Variants in NPAS3 observed in about 807,000 individuals in gnomAD.
NPAS3 encodes neuronal PAS domain-containing protein 3.
NPAS3 carries 14 observed loss-of-function variants against 73.1 expected under a neutral mutation model. That is an observed-to-expected ratio of 0.19 (90% confidence interval 0.13 to 0.30). The LOEUF (loss-of-function observed/expected upper bound fraction) is 0.30, where lower values mean the gene tolerates loss of function less well. NPAS3 is among the 10% of genes least tolerant of loss of function. The pLI is 1.00. For synonymous variants in NPAS3, 620 were observed against 541.5 expected, an observed-to-expected ratio of 1.14 and a Z score of -2.01; for missense variants, 1,096 against 1,250.0, an observed-to-expected ratio of 0.88 and a Z score of 1.86.
chr14:33,638,420 T>A (rs768240538), intron 5 of NPAS3, among the ~76,000 whole-genome samples: 1 of 152,264 alleles, frequency 6.6e-6, no homozygotes, highest in South Asian at 2.1e-4. Flanking sequence ...TTCTACTTAC[T>A]ATCTACGTGA....
intron 3 of NPAS3, among the ~76,000 whole-genome samples, chr14:33,338,062 A>G (rs957009746): frequency 1.3e-5 from 2 of 151,966 alleles, no homozygotes; most frequent in African/African-American, 2.4e-5. Flanking sequence ...TATAGCTTCA[A>G]TGTCTTTTTC....
intron 5 of NPAS3, among the ~76,000 whole-genome samples, chr14:33,648,659 C>A (rs2058903566): frequency 6.6e-6 from 1 of 152,152 alleles, no homozygotes; most frequent in African/African-American, 2.4e-5. Flanking sequence ...TAGAGTTGAA[C>A]ACATCCCAGT....
At chr14:33,604,341 C>G (rs2057490276) in intron 5 of NPAS3, among the ~76,000 whole-genome samples, 1 of 151,786 alleles carries the variant, frequency 6.6e-6, no homozygotes, top group Admixed American at 6.6e-5. Context: ...ACTGTGTTAG[C>G]ACTAATAGAA....
chr14:33,455,846 A>AG (rs1491455726), intron 4 of NPAS3, among the ~76,000 whole-genome samples: 1 of 152,216 alleles, frequency 6.6e-6, no homozygotes, highest in Non-Finnish European at 1.5e-5. Context: ...TACAAAAGTT[A>AG]AAGAGACAGA....
At chr14:33,115,994 T>A (rs1473231072) in intron 2 of NPAS3, among the ~76,000 whole-genome samples, 1 of 152,174 alleles carries the variant, frequency 6.6e-6, no homozygotes, top group African/African-American at 2.4e-5. Flanking sequence ...AACAATCATG[T>A]TTCTGTATCC....
At chr14:33,746,195 A>ATTTTTTTTTTT (rs1241544431) in intron 7 of NPAS3, among the ~76,000 whole-genome samples, 1 of 146,468 alleles carries the variant, frequency 6.8e-6, no homozygotes, top group African/African-American at 2.7e-5. Flanking sequence ...TTATTTATTT[A>ATTTTTTTTTTT]TTTATTTTTT....
At chr14:33,552,268 C>T (rs530039204) in intron 4 of NPAS3, among the ~76,000 whole-genome samples, 1 of 152,302 alleles carries the variant, frequency 6.6e-6, no homozygotes, top group South Asian at 2.1e-4. Context: ...AAATACCCAG[C>T]AGGTGGTCTC....
chr14:33,222,762 A>G (rs2047480214), intron 3 of NPAS3, among the ~76,000 whole-genome samples: 1 of 152,170 alleles, frequency 6.6e-6, no homozygotes, highest in African/African-American at 2.4e-5. Context: ...TGGGATTACT[A>G]TTAGCGGAGT....
At chr14:33,220,381 A>T (rs535105613) in intron 3 of NPAS3, among the ~76,000 whole-genome samples, 5 of 152,330 alleles carry the variant, frequency 3.3e-5, no homozygotes, top group African/African-American at 1.2e-4. Context: ...AGGTTTTACT[A>T]GGACATGGAA....
At chr14:33,079,570 G>T (rs868190505) in intron 2 of NPAS3, among the ~76,000 whole-genome samples, 3 of 113,444 alleles carry the variant, frequency 2.6e-5, no homozygotes, top group African/African-American at 1.0e-4. Flanking sequence ...CACCCGCCTC[G>T]GCCTCCCAAA....
intron 3 of NPAS3, among the ~76,000 whole-genome samples, chr14:33,291,992 G>A (rs559020697): frequency 1.1e-4 from 17 of 152,180 alleles, no homozygotes; most frequent in African/African-American, 2.9e-4. Context: ...GCATTTTGCC[G>A]GTCTAATTTC....
chr14:32,935,070 C>T, upstream of NPAS3: 1 of 1,000,196 alleles, frequency 1.0e-6, no homozygotes, highest in Non-Finnish European at 1.3e-6. Context: ...ACTCACTTTG[C>T]CTCCTGTTTT....
intron 2 of NPAS3, among the ~76,000 whole-genome samples, chr14:33,066,282 A>C (rs1272095064): frequency 6.6e-6 from 1 of 152,200 alleles, no homozygotes; most frequent in Non-Finnish European, 1.5e-5. Flanking sequence ...AGAAACATCC[A>C]GCGGAGATGA....
At chr14:33,242,255 C>G (rs1015421574) in intron 3 of NPAS3, among the ~76,000 whole-genome samples, 1 of 151,986 alleles carries the variant, frequency 6.6e-6, no homozygotes, top group Non-Finnish European at 1.5e-5. Context: ...TTATAGTTCC[C>G]TTCTCAAATT....
intron 2 of NPAS3, among the ~76,000 whole-genome samples, chr14:33,082,757 T>C (rs145469827): frequency 1.6e-3 from 245 of 152,314 alleles, no homozygotes; most frequent in African/African-American, 5.5e-3. Flanking sequence ...TATTTTCTCA[T>C]TGGTAAAATC....
intron 4 of NPAS3, among the ~76,000 whole-genome samples, chr14:33,536,619 A>G (rs1182446517): frequency 6.6e-6 from 1 of 151,768 alleles, no homozygotes; most frequent in Non-Finnish European, 1.5e-5. Flanking sequence ...GCTAGACTAT[A>G]ATGCAAGATT....
intron 4 of NPAS3, among the ~76,000 whole-genome samples, chr14:33,507,078 A>G (rs550999884): frequency 6.6e-6 from 1 of 152,136 alleles, no homozygotes; most frequent in Non-Finnish European, 1.5e-5. Context: ...ACTTCAACAC[A>G]TGAAATGTTG....
At chr14:33,357,100 C>T (rs995587038) in intron 3 of NPAS3, among the ~76,000 whole-genome samples, 25 of 152,188 alleles carry the variant, frequency 1.6e-4, no homozygotes, top group African/African-American at 5.8e-4. Flanking sequence ...AGACCTTGAT[C>T]AGCTAACATA....
intron 4 of NPAS3, among the ~76,000 whole-genome samples, chr14:33,393,382 A>G (rs2047088114): frequency 6.6e-6 from 1 of 152,212 alleles, no homozygotes; most frequent in Non-Finnish European, 1.5e-5. Flanking sequence ...TGGATGGTGT[A>G]CATTAGACAA....
Sources: gnomAD v4.1 joint callset for allele counts (sites outside exome capture counted in the v4.1 genomes callset) on GRCh38, gnomAD v4.1.1 for gene constraint, MANE v1.5 for transcripts, NCBI Gene and HGNC (gene_info 2026-07-23, HGNC 2026-07-21) for gene names.